The following SLC26A4 variants were observed in gnomAD, a reference collection of about 807,000 sequenced individuals.
SLC26A4 encodes the protein solute carrier family 26 member 4.
Under a neutral mutation model 90.4 loss-of-function variants are expected in SLC26A4, and 93 were observed. The observed-to-expected ratio is 1.03, with a 90% confidence interval of 0.87 to 1.22. SLC26A4 has a LOEUF of 1.22. Among genes scored for constraint, SLC26A4 ranks in the 50% most tolerant of loss-of-function variants. The probability of loss-of-function intolerance (pLI) is 0.00; values close to 1 mark genes in which losing one functional copy is unlikely to be tolerated. For missense variants in SLC26A4, 1,127 were observed against 946.2 expected, an observed-to-expected ratio of 1.19 and a Z score of -2.51; for synonymous variants, 393 against 354.6, an observed-to-expected ratio of 1.11 and a Z score of -1.22.
intron 8 of SLC26A4, among the ~76,000 whole-genome samples, chr7:107,685,787 A>G (rs1333248031): frequency 6.6e-6 from 1 of 152,078 alleles, no homozygotes; most frequent in Non-Finnish European, 1.5e-5. Flanking sequence ...CTTATCTGCA[A>G]CTCGTAATCT....
In SLC26A4 at chr7:107,690,220, A is replaced by C. The variant is rs28939086; in HGVS notation, c.1246A>C (p.Thr416Pro). 350 of 1,602,814 alleles carry C rather than the reference A, an allele frequency of 2.2e-4. No homozygotes were observed. The highest frequency in any genetic ancestry group is 2.8e-4 in the Non-Finnish European group (331 of 1,169,886). The change falls in exon 10 of 21, where the codon ACT (threonine) becomes CCT (proline). Residue 416 changes from threonine to proline, a missense_variant. Coordinates refer to ENST00000644269, the MANE Select transcript of SLC26A4 (RefSeq NM_000441.2). ...ALSRTAVQES[T>P]GGKTQVAGII... Reference sequence around the variant, plus strand: ...TTCCCGCACGGCCGTCCAGGAGAGCACTGGAGGAAAGACACAGGTAGGAAC... The same window carrying C: ...TTCCCGCACGGCCGTCCAGGAGAGCCCTGGAGGAAAGACACAGGTAGGAAC...
At chr7:107,682,792 A>G (rs1046469378) in intron 6 of SLC26A4, among the ~76,000 whole-genome samples, 7 of 152,172 alleles carry the variant, frequency 4.6e-5, no homozygotes, top group African/African-American at 1.7e-4. Context: ...GCTACTTGAT[A>G]GCACCTAGAA....
chr7:107,682,104 T>TTAA (rs1491426630), intron 6 of SLC26A4, among the ~76,000 whole-genome samples: 1 of 33,172 alleles, frequency 3.0e-5, no homozygotes, highest in Non-Finnish European at 6.4e-5. Context: ...GCAAGAGAGC[T>TTAA]AAAAAAAAAA....
intron 20 of SLC26A4, among the ~76,000 whole-genome samples, chr7:107,714,117 G>T (rs1309097537): frequency 6.6e-6 from 1 of 151,840 alleles, no homozygotes; most frequent in South Asian, 2.1e-4. Context: ...GTAGAGACAG[G>T]GTTTTGCCAT....
Position 107,694,382 on chromosome 7 carries a change from TAGG to T in SLC26A4, c.1264-17_1264-15del. The T allele has an allele frequency of 6.3e-7, 1 of 1,596,684 alleles. No individual in the cohort carries two copies. On this transcript the variant is annotated intron_variant, in intron 10 of 20. Coordinates refer to ENST00000644269, the MANE Select transcript of SLC26A4 (RefSeq NM_000441.2). ...AAGGGAGAAGGACGAATCCTTTTCATAGGAGGTGTGTGTCTTCCAGGTTGCTGG... is the reference window on the plus strand; with the variant it reads ...AAGGGAGAAGGACGAATCCTTTTCATAGGTGTGTGTCTTCCAGGTTGCTGG...
Position 107,675,076 on chromosome 7 carries a change from C to T in SLC26A4, c.732C>T (p.Thr244=). 2 of 1,613,828 alleles carry T rather than the reference C, an allele frequency of 1.2e-6. No homozygotes were observed. The highest frequency in any genetic ancestry group is 1.7e-6 in the Non-Finnish European group (2 of 1,179,918). The change falls in exon 6 of 21, where the codon ACC becomes ACT. Residue 244 remains threonine, a synonymous_variant. Transcript: ENST00000644269. ...SQLKIVLNVS[T]KNYNGVLSII... ...TAAAGATTGTCCTCAATGTTTCAACCAAAAACTACAATGGAGTTCTCTCTA... is the reference window on the plus strand; with the variant it reads ...TAAAGATTGTCCTCAATGTTTCAACTAAAAACTACAATGGAGTTCTCTCTA...
chr7:107,666,371 G>A (rs1790715029), intron 3 of SLC26A4, among the ~76,000 whole-genome samples: 2 of 152,084 alleles, frequency 1.3e-5, no homozygotes. Context: ...ACAGGCATGT[G>A]CCACCATGCT....
chr7:107,700,799 A>G (rs1791864296), intron 15 of SLC26A4, among the ~76,000 whole-genome samples: 2 of 152,198 alleles, frequency 1.3e-5, no homozygotes, highest in Non-Finnish European at 2.9e-5. Context: ...CTGTGATACC[A>G]AGGGAATTTG....
rs911590378 is a variant in SLC26A4 at position 107,683,140 on chromosome 7, G to C, written c.766-62G>C. ...ATGAGAATTGATTGTGTGTGTGTGCGTGTGTGTGTGCTCGTGTGCGTGTAG... is the reference window on the plus strand; with the variant it reads ...ATGAGAATTGATTGTGTGTGTGTGCCTGTGTGTGTGCTCGTGTGCGTGTAG... On this transcript the variant is annotated intron_variant, in intron 6 of 20. Transcript: ENST00000644269. 19 of 1,173,110 alleles carry C rather than the reference G, an allele frequency of 1.6e-5. No individual in the cohort carries two copies. In the African/African-American group the frequency reaches 2.4e-4, roughly 15 times the overall value. 72.7% of individuals were successfully genotyped at this position (1,173,110 alleles called of 1,614,324 possible). A position where few individuals can be genotyped will look rare whatever the true frequency, so the allele number is the denominator to read the frequency against.
rs1377149068 is a variant in SLC26A4, at chr7:107,715,430, G to A, written c.2327G>A (p.Arg776His). 9 of 1,613,084 alleles carry A rather than the reference G, an allele frequency of 5.6e-6. No homozygotes were observed. The highest frequency in any genetic ancestry group is 2.2e-5 in the South Asian group (2 of 91,066). ...TTCCCCTTGCTTCCACAGGCTATGC[G>A]TACACTTGCATCCTGAAAGTGGGTT... ...EELDVQDEAMRTLAS is the reference protein window; with the variant it reads ...EELDVQDEAMHTLAS The change falls in exon 21 of 21, where the codon CGT (arginine) becomes CAT (histidine). Residue 776 changes from arginine (R) to histidine (H), a missense_variant. Coordinates refer to ENST00000644269, the MANE Select transcript of SLC26A4 (RefSeq NM_000441.2).
chr7:107,679,902 A>ATAT (rs71134280), intron 6 of SLC26A4, among the ~76,000 whole-genome samples: 74,285 of 130,652 alleles, frequency 0.57, 23,386 homozygotes, highest in African/African-American at 0.83. Context: ...ATATAATCTT[A>ATAT]TATTATATGC....
intron 3 of SLC26A4, among the ~76,000 whole-genome samples, chr7:107,669,462 C>T (rs1790807060): frequency 6.6e-6 from 1 of 152,166 alleles, no homozygotes; most frequent in Admixed American, 6.6e-5. Flanking sequence ...TGAAAAATGT[C>T]CATATGAAAT....
Position 107,715,866 on chromosome 7 carries a change from T to A in SLC26A4, c.*420T>A, listed in dbSNP as rs542370813. The A allele has an allele frequency of 5.6e-6, 1 of 177,474 alleles. No homozygotes were observed. Among genetic ancestry groups the A allele is most frequent in the Non-Finnish European group, 1.2e-5 (1 of 83,452 alleles). 11.0% of individuals were successfully genotyped at this position (177,474 alleles called of 1,614,324 possible). On this transcript the variant is annotated 3_prime_UTR_variant, in exon 21 of 21. Transcript: ENST00000644269. ...TATCCATGAGCTGCACTGATCACCA[T>A]GTAAGGTCACATTTAGTAAATGCTG...
chr7:107,700,663 C>G (rs1159479212), intron 15 of SLC26A4, among the ~76,000 whole-genome samples: 1 of 152,224 alleles, frequency 6.6e-6, no homozygotes, highest in Admixed American at 6.5e-5. Context: ...GTAGAAAATC[C>G]TGGCACCAAA....
rs116496816 is a variant in SLC26A4, at chr7:107,695,675, G to T, written c.1438-258G>T. On this transcript the variant is annotated intron_variant, in intron 12 of 20. Coordinates refer to ENST00000644269, the MANE Select transcript of SLC26A4 (RefSeq NM_000441.2). ...AGATTAAAAATTAGCCGGGTTTGGT[G>T]GTATGTACTTGTGGGTAGTCCCAGC... Among the ~76,000 whole-genome samples, 2,182 of 152,132 alleles carry T rather than the reference G, an allele frequency of 0.014. 41 individuals are homozygous for T. The highest frequency in any genetic ancestry group is 0.05 in the African/African-American group (2,068 of 41,502).
At chr7:107,708,827 A>G (rs77053897) in intron 18 of SLC26A4, among the ~76,000 whole-genome samples, 3,626 of 151,522 alleles carry the variant, frequency 0.024, 144 homozygotes, top group African/African-American at 0.083. Flanking sequence ...GGGTGGGGTG[A>G]ATATTGACAA....
Position 107,674,159 on chromosome 7 carries a change from C to T in SLC26A4, c.416-5C>T, listed in dbSNP as rs748393150. 6.2e-7 allele frequency: 1 copy of T among 1,613,510 alleles called. No individual in the cohort carries two copies. The highest frequency in any genetic ancestry group is 1.7e-5 in the Admixed American group (1 of 59,982). ...GATTAATTGTTAGAGACTTTTTTTC[C>T]CCAGGACCTTTTCCAGTGGTGAGTT... is the stretch of plus-strand genomic sequence containing the variant. On this transcript the variant is annotated splice_region_variant and splice_polypyrimidine_tract_variant and intron_variant, in intron 4 of 20. Coordinates refer to ENST00000644269, the MANE Select transcript of SLC26A4 (RefSeq NM_000441.2).
chr7:107,711,695 C>A (rs969614179), intron 19 of SLC26A4, among the ~76,000 whole-genome samples: 2 of 152,130 alleles, frequency 1.3e-5, no homozygotes, highest in African/African-American at 4.8e-5. Context: ...AAGAGGGAGT[C>A]CCTCTGTATC....
chr7:107,699,627 T>C (rs1028289774), intron 14 of SLC26A4, among the ~76,000 whole-genome samples: 1 of 152,142 alleles, frequency 6.6e-6, no homozygotes, highest in Non-Finnish European at 1.5e-5. Context: ...GTTGTCTCCC[T>C]ATTCAAGAAA....
Sources: gnomAD v4.1 joint callset for allele counts (sites outside exome capture counted in the v4.1 genomes callset) on GRCh38, gnomAD v4.1.1 for gene constraint, MANE v1.5 for transcripts, NCBI Gene and HGNC (gene_info 2026-07-23, HGNC 2026-07-21) for gene names.